Variants in MPST observed in about 807,000 individuals in gnomAD.
MPST encodes 3-mercaptopyruvate sulfurtransferase.
In MPST, 27 loss-of-function variants were observed where a neutral mutation model predicts 28.5. That is an observed-to-expected ratio of 0.95 (90% CI 0.70 to 1.31). The LOEUF (loss-of-function observed/expected upper bound fraction) is 1.31. MPST is among the 50% of genes most tolerant of loss of function. The pLI, the probability that MPST is intolerant of heterozygous loss-of-function variation, is 0.00. For missense variants in MPST, 492 were observed against 471.1 expected, an observed-to-expected ratio of 1.04 and a Z score of -0.41; for synonymous variants, 204 against 209.3, an observed-to-expected ratio of 0.97 and a Z score of 0.22.
chr22:37,023,883 T>C (rs1923258393), intron 1 of MPST: 2 of 1,483,288 alleles, frequency 1.3e-6, no homozygotes, highest in African/African-American at 2.8e-5. Context: ...CAGCAGGGCC[T>C]TGCCCTAGGA....
intron 2 of MPST, chr22:37,025,372 C>G (rs1923444614): frequency 3.5e-6 from 1 of 288,874 alleles, no homozygotes; most frequent in African/African-American, 2.2e-5. Flanking sequence ...GCTACCCATG[C>G]CCCTGAGGAT....
In MPST at chr22:37,024,284, G is replaced by C. The variant is rs1168756144; in HGVS notation, c.129G>C (p.Pro43=). Residue 43 remains proline (P), a synonymous_variant, in exon 2 of 3, where the codon CCG becomes CCC. Transcript: ENST00000429360. ...GGGTGGCGGAGGCGCTGCGGGCCCCGCGCGCTGGGCAGCCTCTGCAGCTGC... is the reference window on the plus strand; with the variant it reads ...GGGTGGCGGAGGCGCTGCGGGCCCCCCGCGCTGGGCAGCCTCTGCAGCTGC... ...AQWVAEALRA[P]RAGQPLQLLD... The C allele has an allele frequency of 1.3e-6, 2 of 1,507,532 alleles. No individual in the cohort carries two copies. Among genetic ancestry groups the C allele is most frequent in the Non-Finnish European group, 1.8e-6 (2 of 1,134,090 alleles). The allele number at this position is 1,507,532 out of a possible 1,614,324, so 93.4% of individuals were successfully genotyped here. A position where few individuals can be genotyped will look rare whatever the true frequency, so the allele number is the denominator to read the frequency against.
intron 1 of MPST, chr22:37,023,962 ATGGTCAT>A: frequency 1.3e-6 from 2 of 1,510,032 alleles, no homozygotes; most frequent in Non-Finnish European, 1.8e-6. Context: ...CCGGGAGGTC[ATGGTCAT>A]TGGGTCACTC....
At chr22:37,023,242 C>T (rs1399556399) in intron 1 of MPST, 2 of 152,310 alleles carry the variant, frequency 1.3e-5, no homozygotes, top group East Asian at 1.9e-4. Flanking sequence ...ACCGCCGGGT[C>T]AGGCTAGTGC....
chr22:37,022,617 T>C (rs1802917233), intron 1 of MPST, among the ~76,000 whole-genome samples: 1 of 152,210 alleles, frequency 6.6e-6, no homozygotes, highest in African/African-American at 2.4e-5. Context: ...GGCTGCCTCC[T>C]GTGACCACGG....
chr22:37,020,101 C>G (rs1922956457), intron 1 of MPST: 1 of 389,378 alleles, frequency 2.6e-6, no homozygotes. Flanking sequence ...AGTGGGTGAC[C>G]TGGTGGCACC....
At chr22:37,022,211 C>G (rs1923128965) in intron 1 of MPST, among the ~76,000 whole-genome samples, 1 of 152,104 alleles carries the variant, frequency 6.6e-6, no homozygotes. Flanking sequence ...CCTCCCTACC[C>G]TAAAGACCGT....
chr22:37,023,117 G>A (rs1923193623), intron 1 of MPST: 1 of 152,762 alleles, frequency 6.5e-6, no homozygotes, highest in South Asian at 2.1e-4. Context: ...GCCAGAGAGA[G>A]CCCAGGCTGG....
At chr22:37,026,637 TAC>T (rs1479750383) in intron 2 of MPST, 1 of 152,238 alleles carries the variant, frequency 6.6e-6, no homozygotes, top group Non-Finnish European at 1.5e-5. Flanking sequence ...GCCCTCCCTT[TAC>T]AGTCACCACC....
At chr22:37,025,035 G>A in intron 2 of MPST, 1 of 1,497,340 alleles carries the variant, frequency 6.7e-7, no homozygotes, top group Non-Finnish European at 9.1e-7. Flanking sequence ...GGAGTGCAGT[G>A]GCACAATCAT....
chr22:37,024,745 G>A lies in MPST; in HGVS notation c.590G>A (p.Arg197His). ...EDIKENLESR[R>H]FQVVDSRATG... ...ATCAAGGAGAACCTGGAATCCCGGCGCTTCCAGGTGGTGGACTCCCGAGCC... is the reference window on the plus strand; with the variant it reads ...ATCAAGGAGAACCTGGAATCCCGGCACTTCCAGGTGGTGGACTCCCGAGCC... Residue 197 changes from arginine to histidine, a missense_variant, in exon 2 of 3, where the codon CGC (arginine) becomes CAC (histidine). Physicochemically the swap from Arg to His is conservative, Grantham distance 29 (BLOSUM62 0). Coordinates refer to ENST00000429360, the MANE Select transcript of MPST (RefSeq NM_021126.8). 7 of 1,601,256 alleles carry A rather than the reference G, an allele frequency of 4.4e-6. No homozygotes were observed. Among genetic ancestry groups the A allele is most frequent in the Non-Finnish European group, 5.9e-6 (7 of 1,179,756 alleles).
In MPST at chr22:37,029,604, GT is replaced by G. The variant is rs1923769982; in HGVS notation, c.*93del. Reference sequence around the variant, plus strand: ...CCGCTTCTGCTTTCACCAAGAGAGTGTTTCTTCACTCAACTCAGGTGGCATT... The same window carrying G: ...CCGCTTCTGCTTTCACCAAGAGAGTGTTCTTCACTCAACTCAGGTGGCATT... On this transcript the variant is annotated 3_prime_UTR_variant, in exon 3 of 3. Transcript: ENST00000429360. The G allele has an allele frequency of 7.6e-6, 10 of 1,322,892 alleles. No homozygotes were observed. The highest frequency in any genetic ancestry group is 2.5e-5 in the Admixed American group (1 of 39,684). The allele number at this position is 1,322,892 out of a possible 1,614,324, so 81.9% of individuals were successfully genotyped here.
intron 1 of MPST, among the ~76,000 whole-genome samples, chr22:37,022,219 C>T (rs566220253): frequency 1.3e-5 from 2 of 152,100 alleles, no homozygotes; most frequent in Admixed American, 6.5e-5. Flanking sequence ...CCCTAAAGAC[C>T]GTGCTGAGGC....
At chr22:37,023,054 GAT>G (rs1923188811) in intron 1 of MPST, 1 of 152,930 alleles carries the variant, frequency 6.5e-6, no homozygotes, top group Non-Finnish European at 1.5e-5. Flanking sequence ...ATGCAGGAAA[GAT>G]AGAGAGGAGA....
At chr22:37,024,836 G>T (rs1317784510) in intron 2 of MPST, 26 bp downstream of exon 2, 6 of 1,600,140 alleles carry the variant, frequency 3.7e-6, no homozygotes, top group Non-Finnish European at 5.1e-6. Flanking sequence ...GGGGCAGGAG[G>T]TCGTCGGGGG....
At position 37,019,884 on chromosome 22, in the gene MPST, G is replaced by C. The variant is rs1922925972; in HGVS notation, c.36+12G>C. 8.3e-7 allele frequency: 1 copy of C among 1,209,004 alleles called. No individual in the cohort carries two copies. The highest frequency in any genetic ancestry group is 1.6e-5 in the African/African-American group (1 of 63,908). 74.9% of individuals were successfully genotyped at this position (1,209,004 alleles called of 1,614,324 possible). A position where few individuals can be genotyped will look rare whatever the true frequency, so the allele number is the denominator to read the frequency against. On this transcript the variant is annotated intron_variant, in intron 1 of 2. Coordinates refer to ENST00000429360, the MANE Select transcript of MPST (RefSeq NM_021126.8). ...AGTCCGAGACCCGGGTAACTGCCGCGGCGTGGCGGCTTGCCTTTCTGGAGG... is the reference window on the plus strand; with the variant it reads ...AGTCCGAGACCCGGGTAACTGCCGCCGCGTGGCGGCTTGCCTTTCTGGAGG...
chr22:37,027,352 A>G (rs1297409710), intron 2 of MPST: 2 of 152,210 alleles, frequency 1.3e-5, no homozygotes, highest in Admixed American at 1.3e-4. Context: ...AGTGAAAACA[A>G]AAAACACCCT....
intron 1 of MPST, chr22:37,023,794 T>C (rs1923249208): frequency 1.7e-6 from 2 of 1,203,828 alleles, no homozygotes; most frequent in South Asian, 1.6e-5. Context: ...ATGACTTCCG[T>C]CTGGGACTTG....
chr22:37,025,242 G>A lies in MPST; in HGVS notation c.655+432G>A. 2 of 1,089,332 alleles carry A rather than the reference G, an allele frequency of 1.8e-6. 1 individual carries two copies. Among genetic ancestry groups the A allele is most frequent in the Middle Eastern group, 7.7e-4 (2 of 2,584 alleles). 67.5% of individuals were successfully genotyped at this position (1,089,332 alleles called of 1,614,324 possible). A position where few individuals can be genotyped will look rare whatever the true frequency, so the allele number is the denominator to read the frequency against. On this transcript the variant is annotated intron_variant, in intron 2 of 2. Coordinates refer to ENST00000429360, the MANE Select transcript of MPST (RefSeq NM_021126.8). ...GGCAGTGACTCTCCCTAGCTCATTGGGAACCCTGGTTGCCCAAACAGCTCT... is the reference window on the plus strand; with the variant it reads ...GGCAGTGACTCTCCCTAGCTCATTGAGAACCCTGGTTGCCCAAACAGCTCT...
Sources: gnomAD v4.1 joint callset for allele counts (sites outside exome capture counted in the v4.1 genomes callset) on GRCh38, gnomAD v4.1.1 for gene constraint, MANE v1.5 for transcripts, NCBI Gene and HGNC (gene_info 2026-07-23, HGNC 2026-07-21) for gene names.